The following ABHD18 variants were observed in gnomAD, a reference collection of about 807,000 sequenced individuals.
The protein encoded by ABHD18 is abhydrolase domain containing 18.
In ABHD18, 55 loss-of-function variants were observed where a neutral mutation model predicts 65.9. The observed-to-expected ratio is 0.84, with a 90% CI of 0.67 to 1.05. ABHD18 has a LOEUF of 1.05. ABHD18 is among the 50% of genes least tolerant of loss of function. The probability of loss-of-function intolerance (pLI) is 0.00; values close to 1 mark genes in which losing one functional copy is unlikely to be tolerated. For synonymous variants in ABHD18, 181 were observed against 180.2 expected (o/e 1.00, Z -0.04); for missense variants, 533 against 558.5 (o/e 0.95, Z 0.46).
intron 7 of ABHD18, among the ~76,000 whole-genome samples, chr4:128,017,028 A>G (rs1328575985): frequency 6.6e-6 from 1 of 151,752 alleles, no homozygotes; most frequent in Non-Finnish European, 1.5e-5. Context: ...AGCGATTTTC[A>G]TGCCTCAGTT....
chr4:127,967,941 G>T (rs943789088), intron 1 of ABHD18, among the ~76,000 whole-genome samples: 1 of 152,140 alleles, frequency 6.6e-6, no homozygotes, highest in African/African-American at 2.4e-5. Flanking sequence ...CAAACAAACA[G>T]CCGGGCGCGG....
chr4:127,979,539 T>C (rs1221731358), intron 1 of ABHD18, among the ~76,000 whole-genome samples: 1 of 150,842 alleles, frequency 6.6e-6, no homozygotes, highest in Non-Finnish European at 1.5e-5. Flanking sequence ...TGGGCGACAA[T>C]GCGAGACTCT....
At chr4:128,034,430 G>C (rs960323617) in intron 12 of ABHD18, among the ~76,000 whole-genome samples, 2 of 152,020 alleles carry the variant, frequency 1.3e-5, no homozygotes, top group South Asian at 2.1e-4. Context: ...AATATGAGTG[G>C]GGCAGGGTGT....
At chr4:128,028,087 C>T (rs1432709424) in intron 10 of ABHD18, among the ~76,000 whole-genome samples, 1 of 152,168 alleles carries the variant, frequency 6.6e-6, no homozygotes, top group Non-Finnish European at 1.5e-5. Context: ...ATCTCCAAAA[C>T]ATTTTTATCT....
At chr4:127,978,890 C>G (rs181804195) in intron 1 of ABHD18, among the ~76,000 whole-genome samples, 1 of 152,088 alleles carries the variant, frequency 6.6e-6, no homozygotes, top group African/African-American at 2.4e-5. Flanking sequence ...AACACTCCAA[C>G]GAACCCACTG....
At chr4:128,004,621 T>C (rs1183168382) in intron 4 of ABHD18, among the ~76,000 whole-genome samples, 1 of 152,140 alleles carries the variant, frequency 6.6e-6, no homozygotes, top group Non-Finnish European at 1.5e-5. Context: ...TTAAAAATTA[T>C]ACGTGAGAGC....
intron 7 of ABHD18, among the ~76,000 whole-genome samples, chr4:128,015,346 T>A (rs544841149): frequency 1.3e-5 from 2 of 152,292 alleles, no homozygotes; most frequent in South Asian, 4.1e-4. Flanking sequence ...TCATCAAAAG[T>A]GCTGAAACAA....
chr4:127,983,996 G>A (rs897023792), intron 2 of ABHD18, among the ~76,000 whole-genome samples: 5 of 151,910 alleles, frequency 3.3e-5, no homozygotes, highest in East Asian at 1.9e-4. Flanking sequence ...CTGAGATTGC[G>A]CCACTGCACT....
At chr4:128,020,761 C>T (rs1055315289) in intron 9 of ABHD18, among the ~76,000 whole-genome samples, 3 of 152,114 alleles carry the variant, frequency 2.0e-5, no homozygotes, top group Non-Finnish European at 2.9e-5. Context: ...AGGCCAGGTG[C>T]GGTGGCTCAC....
At chr4:128,023,003 T>G (rs1349839599) in intron 10 of ABHD18, among the ~76,000 whole-genome samples, 1 of 152,122 alleles carries the variant, frequency 6.6e-6, no homozygotes. Flanking sequence ...ACTCCTGACC[T>G]CCTGATACAC....
In ABHD18 at chr4:127,985,678, T is replaced by C. The variant is rs184180495; in HGVS notation, c.177+1255T>C. Among the ~76,000 whole-genome samples the C allele has an allele frequency of 4.9e-4, 75 of 152,256 alleles. No individual in the cohort carries two copies. In the East Asian group the frequency reaches 0.014, roughly 29 times the overall value. On this transcript the variant is annotated intron_variant, in intron 3 of 12. Transcript: ENST00000645843. ...ATTCCATTTCCCTCCCAAGAGTGAA[T>C]TGCTGTTAAGATTTTGGAATGCATT...
chr4:128,032,637 C>T (rs1432484679), intron 12 of ABHD18, among the ~76,000 whole-genome samples: 2 of 151,986 alleles, frequency 1.3e-5, no homozygotes, highest in Non-Finnish European at 2.9e-5. Context: ...AGTGAGCTAT[C>T]GCACCACTGC....
intron 4 of ABHD18, chr4:128,001,735 G>A: frequency 1.3e-6 from 2 of 1,547,438 alleles, no homozygotes; most frequent in Non-Finnish European, 1.7e-6. Context: ...TGAAATGCTT[G>A]ATACCAACTT....
chr4:128,012,588 G>C (rs1209950220), intron 7 of ABHD18, among the ~76,000 whole-genome samples: 1 of 152,108 alleles, frequency 6.6e-6, no homozygotes, highest in African/African-American at 2.4e-5. Flanking sequence ...AGTAAAGCAG[G>C]GCAATTGTAT....
At chr4:128,032,713 A>G (rs1484780577) in intron 12 of ABHD18, among the ~76,000 whole-genome samples, 1 of 151,942 alleles carries the variant, frequency 6.6e-6, no homozygotes, top group Non-Finnish European at 1.5e-5. Context: ...CCTGGGTGAC[A>G]GTGAGACTCT....
At chr4:127,968,184 T>C (rs575757618) in intron 1 of ABHD18, among the ~76,000 whole-genome samples, 33 of 152,374 alleles carry the variant, frequency 2.2e-4, no homozygotes, top group Admixed American at 1.7e-3. Context: ...CACTACAGCC[T>C]GGGCGACAGA....
chr4:128,003,023 A>G (rs989297942), intron 4 of ABHD18, among the ~76,000 whole-genome samples: 2 of 152,106 alleles, frequency 1.3e-5, no homozygotes, highest in African/African-American at 4.8e-5. Context: ...CTTGTTTGAC[A>G]TTTGACCTTA....
intron 11 of ABHD18, among the ~76,000 whole-genome samples, chr4:128,030,137 G>T: frequency 6.6e-6 from 1 of 152,110 alleles, no homozygotes; most frequent in East Asian, 1.9e-4. Flanking sequence ...CTGCATTTCA[G>T]CCTGGGCAAT....
intron 1 of ABHD18, among the ~76,000 whole-genome samples, chr4:127,972,123 A>G (rs930955697): frequency 2.0e-5 from 3 of 152,188 alleles, no homozygotes; most frequent in Non-Finnish European, 4.4e-5. Flanking sequence ...GAACAGCCCA[A>G]TGAAGAGAAA....
Sources: allele counts gnomAD v4.1 joint callset (sites outside exome capture counted in the v4.1 genomes callset), GRCh38; gene constraint gnomAD v4.1.1; transcripts MANE v1.5; gene names NCBI Gene and HGNC (gene_info 2026-07-23, HGNC 2026-07-21).